Variants in LARP1B observed in about 807,000 individuals in gnomAD.
LARP1B encodes the protein La ribonucleoprotein 1B.
In LARP1B, 76 loss-of-function variants were observed where a neutral mutation model predicts 114.2. That is an observed-to-expected ratio of 0.67 (90% CI 0.55 to 0.81). The LOEUF is 0.81. Ranked by LOEUF, LARP1B falls within the 30% of genes least tolerant of loss-of-function variation. The probability of loss-of-function intolerance (pLI) is 0.00; values close to 1 mark genes in which losing one functional copy is unlikely to be tolerated. For missense variants in LARP1B, 1,014 were observed against 1,075.8 expected (o/e 0.94, Z 0.80); for synonymous variants, 345 against 348.0 (o/e 0.99, Z 0.10).
At chr4:128,170,165 G>T (rs1250331610) in intron 12 of LARP1B, among the ~76,000 whole-genome samples, 1 of 151,798 alleles carries the variant, frequency 6.6e-6, no homozygotes, top group Non-Finnish European at 1.5e-5. Flanking sequence ...TTATATTATA[G>T]CCAGAGAACA....
At chr4:128,194,567 C>T (rs1206502824) in intron 15 of LARP1B, among the ~76,000 whole-genome samples, 1 of 151,286 alleles carries the variant, frequency 6.6e-6, no homozygotes, top group East Asian at 2.0e-4. Context: ...CCTGTAGTCC[C>T]AGCTACTCGG....
At position 128,207,353 on chromosome 4, in the gene LARP1B, T is replaced by A; in HGVS notation, c.2517T>A (p.Ser839Arg). The A allele has an allele frequency of 9.7e-6, 15 of 1,545,474 alleles. No individual in the cohort carries two copies. Among genetic ancestry groups the A allele is most frequent in the Non-Finnish European group, 1.3e-5 (15 of 1,146,106 alleles). Residue 839 changes from serine to arginine, a missense_variant, in exon 19 of 20, where the codon AGT (serine) becomes AGA (arginine). Physicochemically the swap from Ser to Arg is moderately radical, Grantham distance 110. Transcript: ENST00000326639. Reference sequence around the variant, plus strand: ...CAAAACTTCAGGAATACCTCTGTAGTTTTAAGAGGTTAGAAGACTTCCGTG... The same window carrying A: ...CAAAACTTCAGGAATACCTCTGTAGATTTAAGAGGTTAGAAGACTTCCGTG... ...IDPKLQEYLC[S>R]FKRLEDFRVD...
intron 19 of LARP1B, among the ~76,000 whole-genome samples, chr4:128,207,627 G>T (rs1439279391): frequency 1.3e-5 from 2 of 152,170 alleles, no homozygotes; most frequent in Non-Finnish European, 2.9e-5. Flanking sequence ...ATTTTCATAT[G>T]CTGCTATAAT....
At position 128,098,747 on chromosome 4, in the gene LARP1B, GTA is replaced by G. The variant is rs1554010737; in HGVS notation, c.813+437_813+438del. The stretch of plus-strand genomic sequence containing the variant: ...AGCATGTGTTCCTGTATATGTATGT[GTA>G]TATATATATATATATATATTTTTTT... On this transcript the variant is annotated intron_variant, in intron 8 of 19. Coordinates refer to ENST00000326639, the MANE Select transcript of LARP1B (RefSeq NM_018078.4). 1.0e-3 allele frequency among the ~76,000 whole-genome samples: 16 copies of G among 15,594 alleles called. 1 individual carries two copies. Among genetic ancestry groups the G allele is most frequent in the Non-Finnish European group, 1.2e-3 (9 of 7,732 alleles). 10.2% of individuals were successfully genotyped at this position (15,594 alleles called of 152,430 possible). A position where few individuals can be genotyped will look rare whatever the true frequency, so the allele number is the denominator to read the frequency against.
intron 8 of LARP1B, among the ~76,000 whole-genome samples, chr4:128,103,398 A>G (rs1269672061): frequency 6.6e-6 from 1 of 152,054 alleles, no homozygotes; most frequent in Non-Finnish European, 1.5e-5. Flanking sequence ...GGTATATGGT[A>G]AAAATTTTTT....
chr4:128,199,886 G>C lies in LARP1B; in HGVS notation c.2164+287G>C, dbSNP rs1364131920. On this transcript the variant is annotated intron_variant, in intron 16 of 19. Transcript: ENST00000326639. Reference sequence around the variant, plus strand: ...AGATCACTTGAGGTCAGGAGTATGAGACCAGCCTGGCCAACATAGTGAAAC... The same window carrying C: ...AGATCACTTGAGGTCAGGAGTATGACACCAGCCTGGCCAACATAGTGAAAC... Among the ~76,000 whole-genome samples, 12 of 152,276 alleles carry C rather than the reference G, an allele frequency of 7.9e-5. No individual in the cohort carries two copies. The East Asian group carries it at 2.3e-3, about 29-fold the overall frequency.
At chr4:128,108,755 A>G in intron 9 of LARP1B, 1 of 985,236 alleles carries the variant, frequency 1.0e-6, no homozygotes, top group Non-Finnish European at 1.2e-6. Context: ...TAGCTAGCTT[A>G]TGAACATTGG....
At chr4:128,128,560 A>G (rs918332323) in intron 11 of LARP1B, among the ~76,000 whole-genome samples, 1 of 152,188 alleles carries the variant, frequency 6.6e-6, no homozygotes, top group East Asian at 1.9e-4. Flanking sequence ...AGCTTATATA[A>G]TGTATTAATT....
chr4:128,130,836 A>C (rs929482232), intron 11 of LARP1B, among the ~76,000 whole-genome samples: 1 of 152,200 alleles, frequency 6.6e-6, no homozygotes, highest in African/African-American at 2.4e-5. Context: ...CAATGGACTT[A>C]CTCAGAGCTC....
intron 12 of LARP1B, among the ~76,000 whole-genome samples, chr4:128,166,970 C>CTCTCTA (rs1189451874): frequency 3.1e-4 from 24 of 77,830 alleles, no homozygotes; most frequent in African/African-American, 1.0e-3. Context: ...CTCTCTCTCT[C>CTCTCTA]TATATATATA....
intron 11 of LARP1B, among the ~76,000 whole-genome samples, chr4:128,158,520 A>G (rs933401872): frequency 5.9e-5 from 9 of 152,214 alleles, no homozygotes; most frequent in African/African-American, 2.2e-4. Context: ...AAAAGTGTCA[A>G]AAAGTATTTA....
chr4:128,155,435 TG>T, intron 11 of LARP1B: 1 of 695,422 alleles, frequency 1.4e-6, no homozygotes, highest in Non-Finnish European at 2.6e-6. Context: ...GGGAATGGCG[TG>T]GGTATGGCGA....
At chr4:128,157,030 G>A (rs886405661) in intron 11 of LARP1B, among the ~76,000 whole-genome samples, 15 of 151,480 alleles carry the variant, frequency 9.9e-5, no homozygotes, top group Non-Finnish European at 1.9e-4. Context: ...AATATTAGAA[G>A]ACAATATGAT....
chr4:128,219,795 TAAAA>T (rs1362422374), intron 6 of LARP1B, among the ~76,000 whole-genome samples: 2 of 136,340 alleles, frequency 1.5e-5, no homozygotes, highest in Non-Finnish European at 1.6e-5. Context: ...TAAAGTATAA[TAAAA>T]TAAATAAATA....
intron 17 of LARP1B, 139 bp downstream of exon 17, chr4:128,200,804 G>A (rs111286710): frequency 1.7e-4 from 92 of 549,770 alleles, no homozygotes; most frequent in Middle Eastern, 5.0e-4. Context: ...ATTTTGAACC[G>A]TGAAAGTAGC....
rs1013215567 is a variant in LARP1B at position 128,117,277 on chromosome 4, T to G, written c.1161+2535T>G. Reference sequence around the variant, plus strand: ...TGCAGTGGAGTGCAATGGTGTGATCTTAGCTCACTGCAACCTTCACCTCCT... The same window carrying G: ...TGCAGTGGAGTGCAATGGTGTGATCGTAGCTCACTGCAACCTTCACCTCCT... On this transcript the variant is annotated intron_variant, in intron 10 of 19. Transcript: ENST00000326639. Among the ~76,000 whole-genome samples, 9 of 151,924 alleles carry G rather than the reference T, an allele frequency of 5.9e-5. No individual in the cohort carries two copies. In the East Asian group the frequency reaches 1.2e-3, roughly 20 times the overall value.
At chr4:128,181,555 A>C (rs993634138) in intron 15 of LARP1B, among the ~76,000 whole-genome samples, 2 of 151,720 alleles carry the variant, frequency 1.3e-5, no homozygotes, top group Admixed American at 6.6e-5. Flanking sequence ...ATCCTATTTT[A>C]TCTCTACTAT....
chr4:128,079,730 A>G (rs927417152), intron 4 of LARP1B, among the ~76,000 whole-genome samples: 2 of 150,500 alleles, frequency 1.3e-5, no homozygotes, highest in African/African-American at 4.9e-5. Flanking sequence ...TGCCTGGCTA[A>G]TTTTTGTATT....
chr4:128,121,304 G>GTCTA lies in LARP1B; in HGVS notation c.1162-504_1162-501dup, dbSNP rs913410137. 1.2e-4 allele frequency among the ~76,000 whole-genome samples: 19 copies of GTCTA among 152,190 alleles called. 1 individual carries two copies. Among genetic ancestry groups the GTCTA allele is most frequent in the Middle Eastern group, 6.8e-3 (2 of 294 alleles). On this transcript the variant is annotated intron_variant, in intron 10 of 19. Transcript: ENST00000326639. ...CAGAAGACCTTGATTCTATCTATCT[G>GTCTA]TCTATCTATCTATCTATCTATTTAT...
Sources: gnomAD v4.1 joint callset for allele counts (sites outside exome capture counted in the v4.1 genomes callset) on GRCh38, gnomAD v4.1.1 for gene constraint, MANE v1.5 for transcripts, NCBI Gene and HGNC (gene_info 2026-07-23, HGNC 2026-07-21) for gene names.